PDZRN4: variants seen among roughly 807,000 people sequenced by gnomAD.
PDZRN4 encodes the protein PDZ domain containing ring finger 4, also known as PDZ domain-containing RING finger protein 4.
In PDZRN4, 70 loss-of-function variants were observed where a neutral mutation model predicts 99.0. The observed-to-expected ratio is 0.71, with a 90% CI of 0.58 to 0.86. The LOEUF (loss-of-function observed/expected upper bound fraction) is 0.86. PDZRN4 is among the 40% of genes least tolerant of loss of function. The pLI is 0.00. For missense variants in PDZRN4, 1,474 were observed against 1,331.2 expected, an observed-to-expected ratio of 1.11 and a Z score of -1.67; for synonymous variants, 551 against 501.6, an observed-to-expected ratio of 1.10 and a Z score of -1.32.
chr12:41,472,123 C>T (rs1026801635), intron 3 of PDZRN4, among the ~76,000 whole-genome samples: 1 of 151,956 alleles, frequency 6.6e-6, no homozygotes, highest in Non-Finnish European at 1.5e-5. Flanking sequence ...CCTGCCTCAG[C>T]CTCCCGAGTA....
chr12:41,371,472 T>C (rs1425460032), intron 3 of PDZRN4, among the ~76,000 whole-genome samples: 1 of 151,982 alleles, frequency 6.6e-6, no homozygotes, highest in Non-Finnish European at 1.5e-5. Flanking sequence ...AAATTTCTGG[T>C]TCATGTAAGA....
At chr12:41,256,910 TA>T (rs1455340242) in intron 3 of PDZRN4, among the ~76,000 whole-genome samples, 1 of 152,232 alleles carries the variant, frequency 6.6e-6, no homozygotes, top group Non-Finnish European at 1.5e-5. Context: ...TTATTGCTTA[TA>T]CGTATCACCA....
At position 41,561,431 on chromosome 12, in the gene PDZRN4, A is replaced by G. The variant is rs564027590; in HGVS notation, c.1366-2117A>G. Reference sequence around the variant, plus strand: ...ACCTGTATCGACTCATGTAATCCTTATAAAGACCCTCTGAGAAAGGCACTA... The same window carrying G: ...ACCTGTATCGACTCATGTAATCCTTGTAAAGACCCTCTGAGAAAGGCACTA... On this transcript the variant is annotated intron_variant, in intron 7 of 9. Transcript: ENST00000402685. Among the ~76,000 whole-genome samples the G allele has an allele frequency of 2.6e-5, 4 of 151,970 alleles. No individual in the cohort carries two copies. The South Asian group carries it at 8.3e-4, about 32-fold the overall frequency.
At chr12:41,563,698 A>G (rs1359840566) in intron 8 of PDZRN4, 49 bp downstream of exon 8, 1 of 1,170,950 alleles carries the variant, frequency 8.5e-7, no homozygotes. Context: ...TATTCATTGA[A>G]TTCACTGAAT....
At chr12:41,286,331 TTCTTC>T (rs1951422083) in intron 3 of PDZRN4, among the ~76,000 whole-genome samples, 1 of 115,412 alleles carries the variant, frequency 8.7e-6, no homozygotes, top group African/African-American at 3.1e-5. Flanking sequence ...ATTTTCCTTC[TTCTTC>T]TTTTTTTTTT....
chr12:41,553,367 T>G (rs1220472602), intron 6 of PDZRN4, among the ~76,000 whole-genome samples: 1 of 152,214 alleles, frequency 6.6e-6, no homozygotes, highest in East Asian at 1.9e-4. Flanking sequence ...TTACAAGAGA[T>G]GATTTTTTAA....
chr12:41,260,804 A>C (rs182374150), intron 3 of PDZRN4, among the ~76,000 whole-genome samples: 4 of 152,190 alleles, frequency 2.6e-5, no homozygotes, highest in African/African-American at 9.6e-5. Flanking sequence ...TATAGTCTGC[A>C]CTTCCTTAGT....
intron 3 of PDZRN4, among the ~76,000 whole-genome samples, chr12:41,389,565 A>T (rs1952194807): frequency 6.6e-6 from 1 of 152,160 alleles, no homozygotes; most frequent in Non-Finnish European, 1.5e-5. Flanking sequence ...TTTTCATGAG[A>T]TTTAGAGATT....
intron 7 of PDZRN4, among the ~76,000 whole-genome samples, chr12:41,563,149 C>A (rs1210067267): frequency 6.6e-6 from 1 of 152,134 alleles, no homozygotes; most frequent in Non-Finnish European, 1.5e-5. Context: ...TCGCGGCAAG[C>A]GTGCAGGATG....
chr12:41,484,572 T>C (rs1032003002), intron 3 of PDZRN4, among the ~76,000 whole-genome samples: 4 of 152,182 alleles, frequency 2.6e-5, no homozygotes, highest in Non-Finnish European at 5.9e-5. Flanking sequence ...ATACAGGATA[T>C]TTAACACTTG....
rs78269302 is a variant in PDZRN4 at position 41,543,192 on chromosome 12, A to G, written c.1204-9464A>G. Among the ~76,000 whole-genome samples the G allele has an allele frequency of 5.4e-3, 818 of 152,282 alleles. 7 individuals are homozygous for G. Among genetic ancestry groups the G allele is most frequent in the African/African-American group, 0.018 (764 of 41,556 alleles). The stretch of plus-strand genomic sequence containing the variant: ...TCTTGCCTCTTGATTCATCCAATCT[A>G]TCTTTTACTACATATCCCATTGCAC... On this transcript the variant is annotated intron_variant, in intron 5 of 9. Coordinates refer to ENST00000402685, the MANE Select transcript of PDZRN4 (RefSeq NM_001164595.2).
chr12:41,416,925 A>G (rs1395257355), intron 3 of PDZRN4, among the ~76,000 whole-genome samples: 1 of 152,226 alleles, frequency 6.6e-6, no homozygotes, highest in Non-Finnish European at 1.5e-5. Flanking sequence ...ACTTAAAATC[A>G]TCATATGCCT....
chr12:41,339,137 A>AT (rs1277490315), intron 3 of PDZRN4, among the ~76,000 whole-genome samples: 1 of 151,824 alleles, frequency 6.6e-6, no homozygotes, highest in Non-Finnish European at 1.5e-5. Flanking sequence ...AAAAAAAAAA[A>AT]CAAAATGGGA....
chr12:41,346,604 G>C (rs1951856963), intron 3 of PDZRN4, among the ~76,000 whole-genome samples: 1 of 151,884 alleles, frequency 6.6e-6, no homozygotes, highest in South Asian at 2.1e-4. Context: ...TTTTAATATA[G>C]TAAATACAGA....
intron 3 of PDZRN4, chr12:41,412,129 C>G (rs996726905): frequency 2.0e-5 from 3 of 152,138 alleles, no homozygotes; most frequent in African/African-American, 4.8e-5. Flanking sequence ...GTAGATTTTT[C>G]CCACCTATCT....
At position 41,563,602 on chromosome 12, in the gene PDZRN4, G is replaced by A. The variant is rs773487228; in HGVS notation, c.1420G>A (p.Asp474Asn). The change falls in exon 8 of 10, where the codon GAT becomes AAT. Residue 474 changes from aspartate (D) to asparagine (N), a missense_variant. Physicochemically the swap from Asp to Asn is conservative, Grantham distance 23 (BLOSUM62 1). Coordinates refer to ENST00000402685, the MANE Select transcript of PDZRN4 (RefSeq NM_001164595.2). The part of the protein sequence containing the change: ...REEAVALLSN[D>N]ECKRIVLLVA... ...AGAAGCAGTGGCCTTGCTGTCTAAC[G>A]ATGAGTGTAAGAGAATCGTGCTGCT... The A allele has an allele frequency of 3.1e-6, 5 of 1,613,588 alleles. No homozygotes were observed. Among genetic ancestry groups the A allele is most frequent in the East Asian group, 2.2e-5 (1 of 44,864 alleles).
rs1939496959 is a variant in PDZRN4, at chr12:41,572,387, A to C, written c.1608A>C (p.Glu536Asp). The C allele has an allele frequency of 6.2e-7, 1 of 1,609,118 alleles. No individual in the cohort carries two copies. The highest frequency in any genetic ancestry group is 8.5e-7 in the Non-Finnish European group (1 of 1,177,028). ...VEQPKKQEEE[E>D]GTTDTATSSS... The stretch of plus-strand genomic sequence containing the variant: ...AGCCAAAAAAGCAAGAAGAAGAAGA[A>C]GGCACAACAGACACTGCAACATCCT... The change falls in exon 10 of 10, where the codon GAA becomes GAC. Residue 536 changes from glutamate to aspartate, a missense_variant. Transcript: ENST00000402685.
chr12:41,347,009 T>A (rs1489803896), intron 3 of PDZRN4, among the ~76,000 whole-genome samples: 1 of 152,218 alleles, frequency 6.6e-6, no homozygotes, highest in African/African-American at 2.4e-5. Flanking sequence ...CTAAATAATA[T>A]TACATTGCAT....
At chr12:41,335,645 A>G (rs1951767908) in intron 3 of PDZRN4, among the ~76,000 whole-genome samples, 1 of 152,134 alleles carries the variant, frequency 6.6e-6, no homozygotes, top group African/African-American at 2.4e-5. Context: ...CCACTGGGTT[A>G]CAGCACTGAG....
Sources: gnomAD v4.1 joint callset for allele counts (sites outside exome capture counted in the v4.1 genomes callset) on GRCh38, gnomAD v4.1.1 for gene constraint, MANE v1.5 for transcripts, NCBI Gene and HGNC (gene_info 2026-07-23, HGNC 2026-07-21) for gene names.